Variants in PPARGC1A observed in about 807,000 individuals in gnomAD.
PPARGC1A encodes peroxisome proliferator-activated receptor gamma coactivator 1-alpha.
A neutral mutation model predicts 88.7 loss-of-function variants in PPARGC1A; 25 were observed. The ratio of observed to expected loss-of-function variants is 0.28; its 90% CI spans 0.21 to 0.39. PPARGC1A has a LOEUF of 0.39. Ranked by LOEUF, PPARGC1A falls within the 10% of genes least tolerant of loss-of-function variation. The pLI is 1.00. For missense variants in PPARGC1A, 880 were observed against 968.7 expected (o/e 0.91, Z 1.22); for synonymous variants, 363 against 355.6 (o/e 1.02, Z -0.24).
chr4:23,968,960 G>T, the PPARGC1A span, among the ~76,000 whole-genome samples: 1 of 151,904 alleles, frequency 6.6e-6, no homozygotes, highest in Non-Finnish European at 1.5e-5. Flanking sequence ...AACTACTGAG[G>T]CTTCACACTT....
the PPARGC1A span, among the ~76,000 whole-genome samples, chr4:24,368,246 CTCCT>C: frequency 6.6e-6 from 1 of 152,140 alleles, no homozygotes; most frequent in East Asian, 1.9e-4. Context: ...CAAAACTGGA[CTCCT>C]TCAACTCAGA....
At chr4:24,083,322 G>A in the PPARGC1A span, among the ~76,000 whole-genome samples, 2 of 152,192 alleles carry the variant, frequency 1.3e-5, no homozygotes, top group East Asian at 3.9e-4. Flanking sequence ...TAGATTAGGC[G>A]AAGGATAAGG....
the PPARGC1A span, among the ~76,000 whole-genome samples, chr4:24,397,527 G>A: frequency 6.6e-6 from 1 of 152,274 alleles, no homozygotes; most frequent in East Asian, 1.9e-4. Context: ...ATGTAAGTGG[G>A]AATGAGGGGT....
At chr4:24,462,041 T>C in the PPARGC1A span, among the ~76,000 whole-genome samples, 1 of 152,156 alleles carries the variant, frequency 6.6e-6, no homozygotes, top group Non-Finnish European at 1.5e-5. Flanking sequence ...CAGCATTTTT[T>C]TTCTTTTTCT....
chr4:24,153,011 T>C, the PPARGC1A span, among the ~76,000 whole-genome samples: 1 of 152,232 alleles, frequency 6.6e-6, no homozygotes, highest in Non-Finnish European at 1.5e-5. Flanking sequence ...AATTCGTTAA[T>C]TGTTCTTCCC....
the PPARGC1A span, among the ~76,000 whole-genome samples, chr4:24,089,870 C>T: frequency 6.6e-6 from 1 of 152,146 alleles, no homozygotes; most frequent in African/African-American, 2.4e-5. Context: ...CCAGCTATCA[C>T]AATGGAAATG....
the PPARGC1A span, among the ~76,000 whole-genome samples, chr4:24,395,003 T>C: frequency 6.6e-6 from 1 of 152,234 alleles, no homozygotes; most frequent in Non-Finnish European, 1.5e-5. Context: ...CTATAAATTG[T>C]CAGCCTCTTG....
At chr4:24,153,000 G>T in the PPARGC1A span, among the ~76,000 whole-genome samples, 1 of 152,170 alleles carries the variant, frequency 6.6e-6, no homozygotes, top group Non-Finnish European at 1.5e-5. Flanking sequence ...CACAATTGAT[G>T]AATTCGTTAA....
chr4:24,069,666 A>G, the PPARGC1A span, among the ~76,000 whole-genome samples: 13 of 152,334 alleles, frequency 8.5e-5, no homozygotes, highest in East Asian at 2.5e-3. Flanking sequence ...AAACAGGTTG[A>G]AAGAATAAAG....
chr4:24,467,008 G>GAAAGAAAGAAAGAAAGAAAGAA, the PPARGC1A span, among the ~76,000 whole-genome samples: 1 of 128,838 alleles, frequency 7.8e-6, no homozygotes, highest in African/African-American at 3.1e-5. Context: ...GAAGGAAGGG[G>GAAAGAAAGAAAGAAAGAAAGAA]AGAAAGAAAG....
the PPARGC1A span, among the ~76,000 whole-genome samples, chr4:24,272,644 T>C: frequency 6.6e-6 from 1 of 152,194 alleles, no homozygotes; most frequent in South Asian, 2.1e-4. Flanking sequence ...CTCTTCCAGT[T>C]CCAAGATCCT....
chr4:24,146,159 T>C, the PPARGC1A span, among the ~76,000 whole-genome samples: 1 of 152,198 alleles, frequency 6.6e-6, no homozygotes, highest in South Asian at 2.1e-4. Context: ...TCCAAAAGTA[T>C]GGACCAAAGA....
At chr4:24,244,518 G>A in the PPARGC1A span, among the ~76,000 whole-genome samples, 1 of 152,252 alleles carries the variant, frequency 6.6e-6, no homozygotes, top group South Asian at 2.1e-4. Flanking sequence ...TTGGAACCAG[G>A]ATTCAAACCC....
chr4:23,925,100 A>G, the PPARGC1A span, among the ~76,000 whole-genome samples: 1 of 152,248 alleles, frequency 6.6e-6, no homozygotes, highest in African/African-American at 2.4e-5. Context: ...AGAACAAAAT[A>G]TGGGTCTGAA....
the PPARGC1A span, among the ~76,000 whole-genome samples, chr4:24,056,614 G>C: frequency 2.0e-5 from 3 of 152,140 alleles, no homozygotes; most frequent in Non-Finnish European, 2.9e-5. Context: ...GAGTCAGATA[G>C]ACTTGAATAA....
chr4:24,002,408 G>T, the PPARGC1A span, among the ~76,000 whole-genome samples: 4 of 152,076 alleles, frequency 2.6e-5, no homozygotes, highest in Non-Finnish European at 4.4e-5. Flanking sequence ...TTACAGGTGT[G>T]AGCCACTGCA....
At chr4:24,373,582 A>C in the PPARGC1A span, among the ~76,000 whole-genome samples, 1 of 152,232 alleles carries the variant, frequency 6.6e-6, no homozygotes, top group East Asian at 1.9e-4. Flanking sequence ...TTACTATCAG[A>C]AAACAAATTG....
At position 23,795,824 on chromosome 4, in the gene PPARGC1A, A is replaced by G. The variant is rs1365530239; in HGVS notation, c.2395T>C (p.Ter799GlnextTer4). The G allele has an allele frequency of 6.2e-7, 1 of 1,606,166 alleles. No individual in the cohort carries two copies. The highest frequency in any genetic ancestry group is 8.5e-7 in the Non-Finnish European group (1 of 1,175,648). Residue 799 changes from the stop codon to glutamine, a stop_lost, in exon 13 of 13, where the codon TAA becomes CAA. Transcript: ENST00000264867. ...GTCATCCTCAGCTAGGGAACATGTTACCTGCGCAAGCTTCTCTGAGCTTCT... is the reference window on the plus strand; with the variant it reads ...GTCATCCTCAGCTAGGGAACATGTTGCCTGCGCAAGCTTCTCTGAGCTTCT... ...LKEAQRSLRR[*>Q]
the PPARGC1A span, among the ~76,000 whole-genome samples, chr4:24,087,239 T>A: frequency 6.6e-6 from 1 of 152,234 alleles, no homozygotes; most frequent in East Asian, 1.9e-4. Context: ...TCCCTCTTGA[T>A]GTAAAATCGA....
Sources: allele counts gnomAD v4.1 joint callset (sites outside exome capture counted in the v4.1 genomes callset), GRCh38; gene constraint gnomAD v4.1.1; transcripts MANE v1.5; gene names NCBI Gene and HGNC (gene_info 2026-07-23, HGNC 2026-07-21).